BICD1: variants seen among roughly 807,000 people sequenced by gnomAD.
The protein encoded by BICD1 is BICD cargo adaptor 1.
In BICD1, 35 loss-of-function variants were observed where a neutral mutation model predicts 92.5. The ratio of observed to expected loss-of-function variants is 0.38; its 90% confidence interval spans 0.29 to 0.50. The LOEUF (loss-of-function observed/expected upper bound fraction) is 0.50. Among genes scored for constraint, BICD1 ranks in the 20% least tolerant of loss-of-function variants. The probability of loss-of-function intolerance (pLI) is 0.93; values close to 1 mark genes in which losing one functional copy is unlikely to be tolerated. For missense variants in BICD1, 950 were observed against 1,189.8 expected (o/e 0.80, Z 2.97); for synonymous variants, 429 against 465.1 (o/e 0.92, Z 1.00).
intron 1 of BICD1, among the ~76,000 whole-genome samples, chr12:32,130,243 C>T (rs187043326): frequency 1.5e-4 from 22 of 149,902 alleles, no homozygotes; most frequent in Middle Eastern, 6.9e-3. Context: ...CTCGCTCTGT[C>T]GCCCAGGCTG....
chr12:32,165,060 C>T (rs1348424934), intron 1 of BICD1, among the ~76,000 whole-genome samples: 1 of 152,002 alleles, frequency 6.6e-6, no homozygotes, highest in African/African-American at 2.4e-5. Flanking sequence ...CATGATAAAT[C>T]GGGCAAAATA....
At chr12:32,257,426 T>A (rs1946750371) in intron 2 of BICD1, among the ~76,000 whole-genome samples, 1 of 152,284 alleles carries the variant, frequency 6.6e-6, no homozygotes, top group South Asian at 2.1e-4. Context: ...TATGTAGCAT[T>A]TTATCAAGCC....
chr12:32,142,089 T>C (rs1418743108), intron 1 of BICD1, among the ~76,000 whole-genome samples: 1 of 152,070 alleles, frequency 6.6e-6, no homozygotes, highest in African/African-American at 2.4e-5. Context: ...TGACTGAAAC[T>C]CTATTGAAGT....
intron 2 of BICD1, among the ~76,000 whole-genome samples, chr12:32,238,921 G>A (rs57727655): frequency 0.05 from 6,490 of 128,634 alleles, 530 homozygotes; most frequent in African/African-American, 0.18. Context: ...TCCAGCTTGG[G>A]CAACAAGAGC....
intron 2 of BICD1, among the ~76,000 whole-genome samples, chr12:32,267,173 T>G (rs1165038244): frequency 3.3e-5 from 5 of 152,250 alleles, no homozygotes; most frequent in African/African-American, 9.6e-5. Flanking sequence ...CACCTGATAC[T>G]ACTATGTGTC....
At chr12:32,214,796 G>GC (rs923081772) in intron 1 of BICD1, among the ~76,000 whole-genome samples, 3 of 152,078 alleles carry the variant, frequency 2.0e-5, no homozygotes, top group Non-Finnish European at 2.9e-5. Context: ...GGTGGCTGTT[G>GC]TTTTTTACTT....
intron 2 of BICD1, among the ~76,000 whole-genome samples, chr12:32,242,672 A>C (rs944179202): frequency 6.6e-6 from 1 of 152,176 alleles, no homozygotes; most frequent in Non-Finnish European, 1.5e-5. Flanking sequence ...CTTTTCTGTA[A>C]GTGGAAATCC....
In BICD1 at chr12:32,293,981, T is replaced by C; in HGVS notation, c.427-13T>C. The C allele has an allele frequency of 6.2e-7, 1 of 1,610,446 alleles. No homozygotes were observed. Among genetic ancestry groups the C allele is most frequent in the Non-Finnish European group, 8.5e-7 (1 of 1,178,872 alleles). On this transcript the variant is annotated splice_polypyrimidine_tract_variant and intron_variant, in intron 2 of 9. Coordinates refer to ENST00000652176, the MANE Select transcript of BICD1 (RefSeq NM_001714.4). Reference sequence around the variant, plus strand: ...AGAGAGTTATATATTGACTGTTTACTCTGTTGTTTCAGAACAATGAGATGG... The same window carrying C: ...AGAGAGTTATATATTGACTGTTTACCCTGTTGTTTCAGAACAATGAGATGG...
intron 2 of BICD1, among the ~76,000 whole-genome samples, chr12:32,241,170 C>T (rs326633): frequency 0.67 from 101,991 of 152,048 alleles, 34,529 homozygotes; most frequent in African/African-American, 0.77. Context: ...TTCCAGACAG[C>T]GGCAAAGAGA....
intron 2 of BICD1, among the ~76,000 whole-genome samples, chr12:32,226,501 C>T (rs552720402): frequency 6.6e-6 from 1 of 152,248 alleles, no homozygotes; most frequent in African/African-American, 2.4e-5. Flanking sequence ...TTTAAATAAC[C>T]ATCTCCTCAC....
intron 1 of BICD1, among the ~76,000 whole-genome samples, chr12:32,116,492 T>TA (rs1565524980): frequency 8.1e-6 from 1 of 122,996 alleles, no homozygotes; most frequent in Admixed American, 8.3e-5. Flanking sequence ...CTCTCTCTCT[T>TA]TCTCTCTCTC....
chr12:32,326,671 G>C (rs1948784208), intron 4 of BICD1, among the ~76,000 whole-genome samples: 1 of 152,134 alleles, frequency 6.6e-6, no homozygotes, highest in African/African-American at 2.4e-5. Flanking sequence ...GCTGACATGC[G>C]CCTAGGCATT....
At chr12:32,173,606 T>C (rs1328682912) in intron 1 of BICD1, among the ~76,000 whole-genome samples, 1 of 152,218 alleles carries the variant, frequency 6.6e-6, no homozygotes, top group Non-Finnish European at 1.5e-5. Context: ...AGTTTTAACA[T>C]CTTTAGAGTT....
chr12:32,342,176 A>G (rs952423408), intron 8 of BICD1, among the ~76,000 whole-genome samples: 10 of 112,332 alleles, frequency 8.9e-5, no homozygotes, highest in East Asian at 4.5e-4. Flanking sequence ...GTATATATAT[A>G]TGTGTGTATA....
At chr12:32,301,938 G>C (rs1948059294) in intron 3 of BICD1, among the ~76,000 whole-genome samples, 1 of 152,120 alleles carries the variant, frequency 6.6e-6, no homozygotes, top group Admixed American at 6.5e-5. Flanking sequence ...CCAGGCTGGA[G>C]TGCAGTGGCG....
In BICD1 at chr12:32,328,583, G is replaced by T. The variant is rs768900442; in HGVS notation, c.2100+28G>T. 1 of 1,578,348 alleles carries T rather than the reference G, an allele frequency of 6.3e-7. No homozygotes were observed. Among genetic ancestry groups the T allele is most frequent in the South Asian group, 1.2e-5 (1 of 86,358 alleles). On this transcript the variant is annotated intron_variant, in intron 5 of 9. Coordinates refer to ENST00000652176, the MANE Select transcript of BICD1 (RefSeq NM_001714.4). This position sits in a 1 kb window ranked among gnomAD's most constrained non-coding sequence, Gnocchi z 4.4. ...AATCTCATTCTACTGGTGAAAGCAT[G>T]CCAGTCAAAGCTTTCTTAACTAATT...
chr12:32,333,227 T>C, intron 5 of BICD1: 1 of 985,274 alleles, frequency 1.0e-6, no homozygotes, highest in African/African-American at 1.7e-5. Flanking sequence ...ACAACTGCCG[T>C]TTTTCCCCAG....
At chr12:32,281,402 G>A (rs1052579146) in intron 2 of BICD1, among the ~76,000 whole-genome samples, 1 of 152,132 alleles carries the variant, frequency 6.6e-6, no homozygotes, top group Non-Finnish European at 1.5e-5. Flanking sequence ...GCCCAACAGA[G>A]AATTGGGCTT....
At chr12:32,117,758 A>ATTTTTTTT (rs1180018434) in intron 1 of BICD1, among the ~76,000 whole-genome samples, 11 of 107,912 alleles carry the variant, frequency 1.0e-4, no homozygotes, top group African/African-American at 3.5e-4. Flanking sequence ...ATATATATAT[A>ATTTTTTTT]TTTTTTTTTA....
Sources: allele counts gnomAD v4.1 joint callset (sites outside exome capture counted in the v4.1 genomes callset), GRCh38; gene constraint gnomAD v4.1.1; non-coding constraint Gnocchi (gnomAD v3.1); transcripts MANE v1.5; gene names NCBI Gene and HGNC (gene_info 2026-07-23, HGNC 2026-07-21).